Variants in ASPM observed in about 807,000 individuals in gnomAD.
ASPM encodes assembly factor for spindle microtubules.
ASPM carries 256 observed loss-of-function variants against 366.4 expected under a neutral mutation model. The observed-to-expected ratio is 0.70, with a 90% CI of 0.63 to 0.77. The LOEUF is 0.77. Ranked by LOEUF, ASPM falls within the 30% of genes least tolerant of loss-of-function variation. The probability of loss-of-function intolerance (pLI) is 0.00; values close to 1 mark genes in which losing one functional copy is unlikely to be tolerated. For synonymous variants in ASPM, 1,414 were observed against 1,342.9 expected (o/e 1.05, Z -1.16); for missense variants, 4,146 against 4,090.4 (o/e 1.01, Z -0.37).
chr1:197,089,732 T>C (rs1656714359), intron 25 of ASPM, among the ~76,000 whole-genome samples, 198 bp downstream of exon 25: 1 of 151,994 alleles, frequency 6.6e-6, no homozygotes, highest in Non-Finnish European at 1.5e-5. Context: ...TTTAATATTA[T>C]AAAGACTGAG....
rs373418682 is a variant in ASPM, at chr1:197,090,908, C to T, written c.9578G>A (p.Arg3193His). 4.9e-5 allele frequency: 79 copies of T among 1,613,198 alleles called. No homozygotes were observed. Among genetic ancestry groups the T allele is most frequent in the Non-Finnish European group, 5.8e-5 (68 of 1,179,584 alleles). Residue 3193 changes from arginine to histidine, a missense_variant, in exon 23 of 28, where the codon CGC becomes CAC. Physicochemically the swap from Arg to His is conservative, Grantham distance 29. This residue lies in a region of ASPM where 3,624 missense variants were observed against 3,591.7 expected (regional missense o/e 1.01). Coordinates refer to ENST00000367409, the MANE Select transcript of ASPM (RefSeq NM_018136.5). The part of the protein sequence containing the change: ...RAASVIQKAV[R>H]HFLLRKKQEK... ...CTGCTTTTTACGGAGGAGAAAATGG[C>T]GCACTGCTTTCTGTATTACTGATGC...
intron 16 of ASPM, among the ~76,000 whole-genome samples, chr1:197,121,186 T>C (rs574405131): frequency 6.6e-6 from 1 of 152,076 alleles, no homozygotes; most frequent in Non-Finnish European, 1.5e-5. Flanking sequence ...GTAGATGGAA[T>C]AGGGTGACAA....
rs755216532 is a variant in ASPM, at chr1:197,129,156, T to C, written c.2760+31A>G. Reference sequence around the variant, plus strand: ...AAGCAAAAGTCGTAAATGGGAAATATAAAATATAAAGCATACAATGAAAAG... The same window carrying C: ...AAGCAAAAGTCGTAAATGGGAAATACAAAATATAAAGCATACAATGAAAAG... On this transcript the variant is annotated intron_variant, in intron 9 of 27. Transcript: ENST00000367409. 6.9e-6 allele frequency: 11 copies of C among 1,600,314 alleles called. No individual in the cohort carries two copies. In the South Asian group the frequency reaches 1.1e-4, roughly 16 times the overall value.
intron 1 of ASPM, among the ~76,000 whole-genome samples, chr1:197,145,845 A>AATATATATATAT (rs71131744): frequency 1.9e-4 from 28 of 147,680 alleles, no homozygotes; most frequent in African/African-American, 7.1e-4. Flanking sequence ...TCAATTAGAG[A>AATATATATATAT]ATATATATAT....
At chr1:197,093,937 G>C in intron 20 of ASPM, 147 bp downstream of exon 20, 1 of 580,486 alleles carries the variant, frequency 1.7e-6, no homozygotes, top group Non-Finnish European at 3.1e-6. Context: ...TGAAATAGAT[G>C]TGTGTGAAAT....
chr1:197,122,868 C>T (rs1657960891), intron 13 of ASPM, among the ~76,000 whole-genome samples: 1 of 152,148 alleles, frequency 6.6e-6, no homozygotes, highest in African/African-American at 2.4e-5. Context: ...CTACTTTAAG[C>T]CACCTAGTTT....
intron 16 of ASPM, among the ~76,000 whole-genome samples, chr1:197,121,243 AGATTATTAAAAAT>A (rs1395459782): frequency 6.6e-6 from 1 of 152,176 alleles, no homozygotes; most frequent in Non-Finnish European, 1.5e-5. Flanking sequence ...GCCGTTTCTT[AGATTATTAAAAAT>A]AACAATTTTC....
At chr1:197,086,493 T>C (rs552399344) in intron 27 of ASPM, among the ~76,000 whole-genome samples, 2 of 152,302 alleles carry the variant, frequency 1.3e-5, no homozygotes, top group South Asian at 4.1e-4. Context: ...CAGTGTAGTT[T>C]GTCTTTCATG....
intron 4 of ASPM, 22 bp from the exon 5 acceptor site, chr1:197,135,264 T>C (rs1229138887): frequency 1.9e-6 from 3 of 1,612,928 alleles, no homozygotes; most frequent in Admixed American, 1.7e-5. Flanking sequence ...ATTAGGTTAC[T>C]GCATAACAAA....
Position 197,102,590 on chromosome 1 carries a change from G to A in ASPM, c.6661C>T (p.Gln2221Ter), listed in dbSNP as rs1657233207. Residue 2221 changes from glutamine (Q) to a stop codon, truncating the protein, a stop_gained, in exon 18 of 28, where the codon CAA (glutamine) becomes TAA (stop). Coordinates refer to ENST00000367409, the MANE Select transcript of ASPM (RefSeq NM_018136.5). LOFTEE classifies it high-confidence loss of function. Reference sequence around the variant, plus strand: ...CTTTCTTTCATTGCCCAGTATCTTTGCTGTACTGTTTTTGTTATTTTCTTT... The same window carrying A: ...CTTTCTTTCATTGCCCAGTATCTTTACTGTACTGTTTTTGTTATTTTCTTT... ...KLKKITKTVQ[Q>*]RYWAMKERNI... The A allele has an allele frequency of 1.9e-6, 3 of 1,612,014 alleles. No homozygotes were observed. The highest frequency in any genetic ancestry group is 1.3e-5 in the African/African-American group (1 of 74,732).
chr1:197,129,304 A>G lies in ASPM; in HGVS notation c.2643T>C (p.Ala881=). 6.2e-7 allele frequency: 1 copy of G among 1,613,152 alleles called. No homozygotes were observed. The highest frequency in any genetic ancestry group is 1.1e-5 in the South Asian group (1 of 91,016). ...PHLYRDGHEE[A]LSKFTLKKLL... is the part of the protein sequence containing the mutation. ...ACTTTTTCAATGTAAACTTGGACAA[A>G]GCTTCTTCATGACCTTAAATAAAGT... The change falls in exon 9 of 28, where the codon GCT becomes GCC. Residue 881 remains alanine (A), a synonymous_variant. Transcript: ENST00000367409.
Position 197,095,999 on chromosome 1 carries a change from G to A in ASPM, c.8986C>T (p.Arg2996Trp), listed in dbSNP as rs772813676. 6.9e-5 allele frequency: 110 copies of A among 1,604,540 alleles called. No individual in the cohort carries two copies. Among genetic ancestry groups the A allele is most frequent in the Middle Eastern group, 1.7e-4 (1 of 5,954 alleles). The change falls in exon 19 of 28, where the codon CGG becomes TGG. Residue 2996 changes from arginine (R) to tryptophan (W), a missense_variant and splice_region_variant. By Grantham distance (101) the Arg-to-Trp change is moderately radical. Coordinates refer to ENST00000367409, the MANE Select transcript of ASPM (RefSeq NM_018136.5). ...CTCCACAGAACTATGATACATTACCGTGTTCTCTCTAGTTTGGTATAGAAG... is the reference window on the plus strand; with the variant it reads ...CTCCACAGAACTATGATACATTACCATGTTCTCTCTAGTTTGGTATAGAAG... Reference protein sequence around the residue: ...GCFYTKLERTRFLNVRASAII... With the variant: ...GCFYTKLERTWFLNVRASAII...
At position 197,146,327 on chromosome 1, in the gene ASPM, C is replaced by G. The variant is rs756827298; in HGVS notation, c.111G>C (p.Pro37=). 1 of 1,613,234 alleles carries G rather than the reference C, an allele frequency of 6.2e-7. No homozygotes were observed. Among genetic ancestry groups the G allele is most frequent in the African/African-American group, 1.3e-5 (1 of 74,896 alleles). ...PAAEEEASSP[P]VLSLSHFCRS... ...TGCAGAAGTGGCTGAGAGACAGGACCGGCGGGGAAGACGCCTCCTCCTCGG... is the reference window on the plus strand; with the variant it reads ...TGCAGAAGTGGCTGAGAGACAGGACGGGCGGGGAAGACGCCTCCTCCTCGG... Residue 37 remains proline, a synonymous_variant, in exon 1 of 28, where the codon CCG becomes CCC. Transcript: ENST00000367409.
Position 197,088,402 on chromosome 1 carries a change from C to T in ASPM, c.10015G>A (p.Val3339Ile), listed in dbSNP as rs1179773234. Residue 3339 changes from valine to isoleucine, a missense_variant, in exon 26 of 28, where the codon GTA becomes ATA. Physicochemically the swap from Val to Ile is conservative, Grantham distance 29. Transcript: ENST00000367409. The stretch of plus-strand genomic sequence containing the variant: ...AATAGTATATCTATACAATTTTCTA[C>T]ATCATAAACTGCTGAAGTAGTTTTC... ...YEKTTSAVYD[V>I]ENCIDILLEL... 1.9e-6 allele frequency: 3 copies of T among 1,607,804 alleles called. No individual in the cohort carries two copies. The highest frequency in any genetic ancestry group is 2.6e-6 in the Non-Finnish European group (3 of 1,175,568).
chr1:197,107,976 C>A (rs1657462038), intron 17 of ASPM, among the ~76,000 whole-genome samples: 1 of 152,004 alleles, frequency 6.6e-6, no homozygotes, highest in East Asian at 1.9e-4. Flanking sequence ...CCAAATTTGG[C>A]CTGCAGATAT....
At position 197,104,633 on chromosome 1, in the gene ASPM, C is replaced by T. The variant is rs777564251; in HGVS notation, c.4618G>A (p.Ala1540Thr). ...AAAGCAGCTTGTAATTGAATGGCTG[C>T]AGCTCGTTTCTGCAAATAGTTGGTG... ...ERTNYLQKRA[A>T]AIQLQAAFRR... Residue 1540 changes from alanine (A) to threonine (T), a missense_variant, in exon 18 of 28, where the codon GCA (alanine) becomes ACA (threonine). Ala to Thr is a moderately conservative substitution (Grantham distance 58). Transcript: ENST00000367409. The T allele has an allele frequency of 1.1e-5, 17 of 1,613,012 alleles. No homozygotes were observed. Among genetic ancestry groups the T allele is most frequent in the Non-Finnish European group, 1.4e-5 (16 of 1,179,404 alleles).
chr1:197,092,353 T>C (rs1656812932), intron 21 of ASPM, among the ~76,000 whole-genome samples: 1 of 151,742 alleles, frequency 6.6e-6, no homozygotes, highest in South Asian at 2.1e-4. Flanking sequence ...AGGGTATAAA[T>C]ATTAAACTCA....
rs374533017 is a variant in ASPM at position 197,146,232 on chromosome 1, T to C, written c.206A>G (p.Asn69Ser). ...CACTTCTGCCACCTCCTCGTTAGGG[T>C]TGTCTAGGGCCAGAGACAGCGTCCG... ...ASRTLSLALDNPNEEVAEVKI... is the reference protein window; with the variant it reads ...ASRTLSLALDSPNEEVAEVKI... Residue 69 changes from asparagine to serine, a missense_variant, in exon 1 of 28, where the codon AAC becomes AGC. By Grantham distance (46) the Asn-to-Ser change is conservative. This residue lies in a region of ASPM where 512 missense variants were observed against 471.7 expected (regional missense o/e 1.09). Coordinates refer to ENST00000367409, the MANE Select transcript of ASPM (RefSeq NM_018136.5). 3.7e-6 allele frequency: 6 copies of C among 1,613,872 alleles called. No homozygotes were observed. The highest frequency in any genetic ancestry group is 2.2e-5 in the East Asian group (1 of 44,840).
rs542967760 is a variant in ASPM at position 197,089,983 on chromosome 1, G to C, written c.9931C>G (p.Pro3311Ala). 23 of 1,613,026 alleles carry C rather than the reference G, an allele frequency of 1.4e-5. No homozygotes were observed. In the Admixed American group the frequency reaches 3.3e-4, roughly 23 times the overall value. Residue 3311 changes from proline (P) to alanine (A), a missense_variant, in exon 25 of 28, where the codon CCT (proline) becomes GCT (alanine). Physicochemically the swap from Pro to Ala is conservative, Grantham distance 27. Around this residue, in one of 3 missense-constraint regions of ASPM, gnomAD observed 3,624 missense variants for 3,591.7 expected, o/e 1.01. Transcript: ENST00000367409. Reference sequence around the variant, plus strand: ...GCATATCTGATGACTTCCATACAAGGAATACTGCGATTACAACTTCGGATC... The same window carrying C: ...GCATATCTGATGACTTCCATACAAGCAATACTGCGATTACAACTTCGGATC... ...VLIRSCNRSI[P>A]CMEVIRYAVQ... is the part of the protein sequence containing the mutation.
Sources: gnomAD v4.1 joint callset for allele counts (sites outside exome capture counted in the v4.1 genomes callset) on GRCh38, gnomAD v4.1.1 for gene constraint, gnomAD v4.1.1 regional missense constraint, MANE v1.5 for transcripts, NCBI Gene and HGNC (gene_info 2026-07-23, HGNC 2026-07-21) for gene names.